The following CAV1 variants were observed in gnomAD, a reference collection of about 807,000 sequenced individuals.
CAV1 encodes the protein caveolin 1, also known as caveolin-1.
In CAV1, 10 loss-of-function variants were observed where a neutral mutation model predicts 16.5. That is an observed-to-expected ratio of 0.61 (90% CI 0.37 to 1.03). The LOEUF (loss-of-function observed/expected upper bound fraction) is 1.03, where lower values mean the gene tolerates loss of function less well. CAV1 is among the 50% of genes least tolerant of loss of function. CAV1 has a pLI of 0.01. For missense variants in CAV1, 212 were observed against 232.8 expected (o/e 0.91, Z 0.58); for synonymous variants, 76 against 85.1 (o/e 0.89, Z 0.59).
intron 2 of CAV1, among the ~76,000 whole-genome samples, chr7:116,547,528 G>A (rs1347800674): frequency 6.6e-6 from 1 of 152,272 alleles, no homozygotes; most frequent in East Asian, 1.9e-4. Flanking sequence ...CATCTCCCTG[G>A]GGTACATTTG....
chr7:116,533,992 G>C (rs562016839), intron 2 of CAV1, among the ~76,000 whole-genome samples: 6 of 152,068 alleles, frequency 3.9e-5, no homozygotes, highest in Non-Finnish European at 7.4e-5. Context: ...CAAGGCAGGC[G>C]GATCAACTGA....
chr7:116,536,763 G>A (rs1305623638), intron 2 of CAV1, among the ~76,000 whole-genome samples: 1 of 152,106 alleles, frequency 6.6e-6, no homozygotes, highest in African/African-American at 2.4e-5. Context: ...CAGCACTTTG[G>A]GAGGCCGAGG....
At chr7:116,543,222 A>G (rs1793974898) in intron 2 of CAV1, among the ~76,000 whole-genome samples, 1 of 152,226 alleles carries the variant, frequency 6.6e-6, no homozygotes, top group African/African-American at 2.4e-5. Flanking sequence ...CTAGTTGACC[A>G]GTATTCATAC....
rs1563092606 is a variant in CAV1, at chr7:116,525,110, G to C, written c.30+18G>C. ...ACTCGGAGGTAGGCATCCGTGGGGG[G>C]GCGCCGGCTCGGGCGTGCGGGGAGT... On this transcript the variant is annotated intron_variant, in intron 1 of 2. Coordinates refer to ENST00000341049, the MANE Select transcript of CAV1 (RefSeq NM_001753.5). The C allele has an allele frequency of 2.5e-6, 4 of 1,614,180 alleles. No homozygotes were observed. The highest frequency in any genetic ancestry group is 3.4e-6 in the Non-Finnish European group (4 of 1,180,022).
intron 2 of CAV1, among the ~76,000 whole-genome samples, chr7:116,534,395 A>ATATATATTTTTTTT (rs1442237865): frequency 1.3e-4 from 1 of 7,842 alleles, no homozygotes; most frequent in African/African-American, 3.3e-4. Context: ...ATATATATAT[A>ATATATATTTTTTTT]TTTTTTTTTT....
At chr7:116,546,697 C>CAAAAAAAAAAATAAAA (rs1794054985) in intron 2 of CAV1, among the ~76,000 whole-genome samples, 1 of 88,384 alleles carries the variant, frequency 1.1e-5, no homozygotes, top group African/African-American at 4.4e-5. Flanking sequence ...GACTCTGTCA[C>CAAAAAAAAAAATAAAA]AAAAAAAAAA....
At position 116,555,574 on chromosome 7, in the gene CAV1, A is replaced by G. The variant is rs1562838508; in HGVS notation, c.196-3372A>G. Among the ~76,000 whole-genome samples, 822 of 97,416 alleles carry G rather than the reference A, an allele frequency of 8.4e-3. 95 individuals are homozygous for G. Among genetic ancestry groups the G allele is most frequent in the East Asian group, 0.013 (44 of 3,422 alleles). 63.9% of individuals were successfully genotyped at this position (97,416 alleles called of 152,430 possible). On this transcript the variant is annotated intron_variant, in intron 2 of 2. Coordinates refer to ENST00000341049, the MANE Select transcript of CAV1 (RefSeq NM_001753.5). Reference sequence around the variant, plus strand: ...AAAGAAAGAAAGAAAGAAAGAAAGAAAGAAAGAAAGAAAGAAAGAAAGAAA... The same window carrying G: ...AAAGAAAGAAAGAAAGAAAGAAAGAGAGAAAGAAAGAAAGAAAGAAAGAAA...
chr7:116,546,702 A>AAAAAATAAAAAAAAT (rs1554356433), intron 2 of CAV1, among the ~76,000 whole-genome samples: 1 of 142,952 alleles, frequency 7.0e-6, no homozygotes, highest in Non-Finnish European at 1.5e-5. Flanking sequence ...TGTCACAAAA[A>AAAAAATAAAAAAAAT]AAAAAAAAAA....
intron 2 of CAV1, among the ~76,000 whole-genome samples, chr7:116,543,842 T>C (rs1212736121): frequency 6.6e-6 from 1 of 152,204 alleles, no homozygotes; most frequent in African/African-American, 2.4e-5. Context: ...TTTTGTTTTT[T>C]AACAGCCCAT....
At chr7:116,542,242 T>C (rs1361700351) in intron 2 of CAV1, among the ~76,000 whole-genome samples, 2 of 152,226 alleles carry the variant, frequency 1.3e-5, no homozygotes, top group Admixed American at 1.3e-4. Flanking sequence ...TGATAGAAAC[T>C]CATGAAAGAG....
intron 2 of CAV1, among the ~76,000 whole-genome samples, chr7:116,538,722 A>T (rs1377375671): frequency 1.3e-5 from 2 of 152,204 alleles, no homozygotes; most frequent in African/African-American, 4.8e-5. Context: ...CACGCTGCTG[A>T]TAAAGACATA....
chr7:116,525,546 G>A (rs1217037382), intron 1 of CAV1: 2 of 1,221,034 alleles, frequency 1.6e-6, no homozygotes, highest in African/African-American at 1.6e-5. Flanking sequence ...GGCAGGTCCC[G>A]CAGGCGGCGC....
chr7:116,525,468 A>G, intron 1 of CAV1: 1 of 1,338,164 alleles, frequency 7.5e-7, no homozygotes, highest in Non-Finnish European at 9.7e-7. Flanking sequence ...GGTGGAGTGC[A>G]GGGTGGAGGT....
Position 116,537,009 on chromosome 7 carries a change from CAAAAAA to C in CAV1, c.195+10338_195+10343del, listed in dbSNP as rs753949130. On this transcript the variant is annotated intron_variant, in intron 2 of 2. Coordinates refer to ENST00000341049, the MANE Select transcript of CAV1 (RefSeq NM_001753.5). ...TGGGCAACAGAGCGAGACTCCGTCT[CAAAAAA>C]AAAAAAAAAAAAAAAAAGCCATTAA... 1.3e-4 allele frequency among the ~76,000 whole-genome samples: 8 copies of C among 61,474 alleles called. No individual in the cohort carries two copies. The East Asian group carries it at 1.5e-3, about 11-fold the overall frequency. The allele number at this position is 61,474 out of a possible 152,430, so 40.3% of individuals were successfully genotyped here. A position where few individuals can be genotyped will look rare whatever the true frequency, so the allele number is the denominator to read the frequency against.
At chr7:116,534,786 C>G (rs1010832675) in intron 2 of CAV1, among the ~76,000 whole-genome samples, 1 of 152,070 alleles carries the variant, frequency 6.6e-6, no homozygotes, top group Non-Finnish European at 1.5e-5. Context: ...CAAATGATTA[C>G]ACTGTGAAGT....
intron 2 of CAV1, among the ~76,000 whole-genome samples, chr7:116,541,389 C>G (rs1425346725): frequency 6.6e-6 from 1 of 152,160 alleles, no homozygotes; most frequent in East Asian, 1.9e-4. Context: ...AAGCACTGCT[C>G]AGACGCAATT....
chr7:116,547,313 T>C (rs183256522), intron 2 of CAV1, among the ~76,000 whole-genome samples: 29 of 152,186 alleles, frequency 1.9e-4, no homozygotes, highest in Non-Finnish European at 3.7e-4. Context: ...TTTAGCTTAA[T>C]TTTTCAAAGT....
In CAV1 at chr7:116,533,294, C is replaced by T. The variant is rs550392567; in HGVS notation, c.195+6605C>T. On this transcript the variant is annotated intron_variant, in intron 2 of 2. Transcript: ENST00000341049. Reference sequence around the variant, plus strand: ...CCAAGATTGCAGTGAGCCAAGATTGCGCCACTGCACTCCAGCCTGGTGACA... The same window carrying T: ...CCAAGATTGCAGTGAGCCAAGATTGTGCCACTGCACTCCAGCCTGGTGACA... 2.3e-3 allele frequency among the ~76,000 whole-genome samples: 346 copies of T among 151,180 alleles called. 2 individuals carry two copies. The highest frequency in any genetic ancestry group is 0.01 in the Middle Eastern group (3 of 292).
At chr7:116,555,538 GAGAGAGAA>G (rs1301919115) in intron 2 of CAV1, among the ~76,000 whole-genome samples, 2 of 5,748 alleles carry the variant, frequency 3.5e-4, no homozygotes, top group Non-Finnish European at 8.5e-4. Flanking sequence ...GAGAGAGAGA[GAGAGAGAA>G]AGAAAGAAAG....
Sources: gnomAD v4.1 joint callset for allele counts (sites outside exome capture counted in the v4.1 genomes callset) on GRCh38, gnomAD v4.1.1 for gene constraint, MANE v1.5 for transcripts, NCBI Gene and HGNC (gene_info 2026-07-23, HGNC 2026-07-21) for gene names.